Variants in ESPNL observed in about 807,000 individuals in gnomAD.
ESPNL encodes the protein espin like.
A neutral mutation model predicts 46.8 loss-of-function variants in ESPNL; 49 were observed. The ratio of observed to expected loss-of-function variants is 1.05; its 90% CI spans 0.83 to 1.33. The LOEUF (loss-of-function observed/expected upper bound fraction) is 1.33. ESPNL is among the 40% of genes most tolerant of loss of function. The probability of loss-of-function intolerance (pLI) is 0.00; values close to 1 mark genes in which losing one functional copy is unlikely to be tolerated. For synonymous variants in ESPNL, 664 were observed against 662.1 expected (o/e 1.00, Z -0.04); for missense variants, 1,540 against 1,436.6 (o/e 1.07, Z -1.16).
At chr2:238,126,543 CTGTG>C (rs376657628) in intron 6 of ESPNL, among the ~76,000 whole-genome samples, 31 of 141,302 alleles carry the variant, frequency 2.2e-4, no homozygotes, top group East Asian at 8.7e-4. Context: ...GTGATTGTGC[CTGTG>C]TGTATCTGTG....
At chr2:238,118,882 G>T (rs1278515001) in intron 5 of ESPNL, among the ~76,000 whole-genome samples, 7 of 139,960 alleles carry the variant, frequency 5.0e-5, no homozygotes, top group Admixed American at 3.5e-4. Flanking sequence ...GAGGAGAAAT[G>T]GATGAAAGAG....
At position 238,100,526 on chromosome 2, in the gene ESPNL, GGGCC is replaced by G; in HGVS notation, c.112_115del (p.Gly38TrpfsTer94). The G allele has an allele frequency of 6.3e-7, 1 of 1,595,304 alleles. No homozygotes were observed. Among genetic ancestry groups the G allele is most frequent in the Non-Finnish European group, 8.5e-7 (1 of 1,173,614 alleles). On this transcript the variant is annotated frameshift_variant, in exon 1 of 9. Coordinates refer to ENST00000343063, the MANE Select transcript of ESPNL (RefSeq NM_194312.4). LOFTEE classifies it high-confidence loss of function. ...GGCCCGGGCATCACCGATGCTCTGG[GGGCC>G]GGCCTGGTTCACCACGCCACCCGGG...
chr2:238,128,940 G>A (rs1559268455), intron 8 of ESPNL, 36 bp downstream of exon 8: 10 of 1,514,054 alleles, frequency 6.6e-6, no homozygotes, highest in South Asian at 1.2e-5. Flanking sequence ...AGTGGGCGGG[G>A]CGGGGCCTTT....
Position 238,100,602 on chromosome 2 carries a change from G to T in ESPNL, c.183G>T (p.Leu61=). 1 of 1,519,596 alleles carries T rather than the reference G, an allele frequency of 6.6e-7. No homozygotes were observed. The highest frequency in any genetic ancestry group is 8.8e-7 in the Non-Finnish European group (1 of 1,138,014). 94.1% of individuals were successfully genotyped at this position (1,519,596 alleles called of 1,614,324 possible). A position where few individuals can be genotyped will look rare whatever the true frequency, so the allele number is the denominator to read the frequency against. ...AGTTCTTGGTGCAGCGGGCCCAGCT[G>T]CCCGGCAACCAGCGGGCCCACAACG... ...CVKFLVQRAQ[L]PGNQRAHNGA... Residue 61 remains leucine (L), a synonymous_variant, in exon 1 of 9, where the codon CTG becomes CTT. Coordinates refer to ENST00000343063, the MANE Select transcript of ESPNL (RefSeq NM_194312.4).
rs547558311 is a variant in ESPNL at position 238,129,777 on chromosome 2, C to T, written c.1414-351C>T. Among the ~76,000 whole-genome samples the T allele has an allele frequency of 6.1e-4, 93 of 152,368 alleles. 1 individual carries two copies. The highest frequency in any genetic ancestry group is 5.8e-3 in the Admixed American group (89 of 15,312). On this transcript the variant is annotated intron_variant, in intron 8 of 8. Coordinates refer to ENST00000343063, the MANE Select transcript of ESPNL (RefSeq NM_194312.4). ...AAGGAAAGTAAAAGTCCTGCCCCTCCGTCGCACCAGCCACCTGTCGTTTCT... is the reference window on the plus strand; with the variant it reads ...AAGGAAAGTAAAAGTCCTGCCCCTCTGTCGCACCAGCCACCTGTCGTTTCT...
At chr2:238,127,775 T>G in intron 7 of ESPNL, 41 bp downstream of exon 7, 5 of 1,518,410 alleles carry the variant, frequency 3.3e-6, no homozygotes, top group Non-Finnish European at 3.6e-6. Context: ...CCGGGGCCCC[T>G]AGCCAGCCTC....
At chr2:238,128,585 C>G in intron 7 of ESPNL, 122 bp from the exon 8 acceptor site, 2 of 885,762 alleles carry the variant, frequency 2.3e-6, no homozygotes, top group South Asian at 3.4e-5. Flanking sequence ...ACTGTCCCTC[C>G]TCTCAGGGCG....
Position 238,104,677 on chromosome 2 carries a change from C to T in ESPNL, c.507C>T (p.Arg169=). ...AHGSSVNRRT[R]SGASPLYLAC... is the part of the protein sequence containing the mutation. ...GCAGCAGCGTGAACCGGCGGACACG[C>T]AGTGGCGCCTCCCCACTCTACCTGG... Residue 169 remains arginine, a synonymous_variant, in exon 3 of 9, where the codon CGC becomes CGT. Coordinates refer to ENST00000343063, the MANE Select transcript of ESPNL (RefSeq NM_194312.4). The T allele has an allele frequency of 6.3e-7, 1 of 1,599,972 alleles. No homozygotes were observed.
In ESPNL at chr2:238,128,717, C is replaced by T. The variant is rs267599281; in HGVS notation, c.1226C>T (p.Thr409Met). The T allele has an allele frequency of 2.5e-6, 4 of 1,600,850 alleles. No homozygotes were observed. The highest frequency in any genetic ancestry group is 2.7e-5 in the African/African-American group (2 of 74,822). The change falls in exon 8 of 9, where the codon ACG (threonine) becomes ATG (methionine). Residue 409 changes from threonine (T) to methionine (M), a missense_variant. By Grantham distance (81) the Thr-to-Met change is moderately conservative. Coordinates refer to ENST00000343063, the MANE Select transcript of ESPNL (RefSeq NM_194312.4). ...SATADPEGTE[T>M]ALAGDTSDGL... ...CCCCCTTCTGCACAGGGGACAGAGACGGCGCTGGCGGGGGACACCTCAGAT... is the reference window on the plus strand; with the variant it reads ...CCCCCTTCTGCACAGGGGACAGAGATGGCGCTGGCGGGGGACACCTCAGAT...
In ESPNL at chr2:238,131,176, G is replaced by A. The variant is rs544504029; in HGVS notation, c.2462G>A (p.Arg821Gln). 2.7e-4 allele frequency: 424 copies of A among 1,544,518 alleles called. 2 individuals are homozygous for A. The South Asian group carries it at 4.1e-3, about 15-fold the overall frequency. The change falls in exon 9 of 9, where the codon CGG (arginine) becomes CAG (glutamine). Residue 821 changes from arginine to glutamine, a missense_variant. Coordinates refer to ENST00000343063, the MANE Select transcript of ESPNL (RefSeq NM_194312.4). ...GCCATCATGGCTCACGTGCCCGCCC[G>A]GCAGCTGCGGCGGCTGAGCCGGCAG... Reference protein sequence around the residue: ...WKAIMAHVPARQLRRLSRQPR... With the variant: ...WKAIMAHVPAQQLRRLSRQPR...
chr2:238,127,148 TTGTG>T (rs1486937589), intron 6 of ESPNL, among the ~76,000 whole-genome samples: 3 of 151,624 alleles, frequency 2.0e-5, no homozygotes, highest in Admixed American at 1.3e-4. Flanking sequence ...TGTGTCTGTG[TTGTG>T]TGTATGTGAT....
At chr2:238,121,586 C>T (rs72620836) in intron 5 of ESPNL, among the ~76,000 whole-genome samples, 11,424 of 152,224 alleles carry the variant, frequency 0.075, 726 homozygotes, top group East Asian at 0.21. Flanking sequence ...TTTGTAGAGA[C>T]GGGGTTTGGC....
intron 6 of ESPNL, among the ~76,000 whole-genome samples, chr2:238,126,699 T>C (rs11679208): frequency 6.6e-6 from 1 of 152,010 alleles, no homozygotes; most frequent in African/African-American, 2.4e-5. Context: ...ATTGTGTCTG[T>C]GTATGCTTGT....
rs754253280 is a variant in ESPNL at position 238,130,563 on chromosome 2, G to C, written c.1849G>C (p.Asp617His). 2 of 1,585,048 alleles carry C rather than the reference G, an allele frequency of 1.3e-6. No individual in the cohort carries two copies. The highest frequency in any genetic ancestry group is 2.3e-5 in the South Asian group (2 of 87,200). Reference protein sequence around the residue: ...LKGVHGLVQGDEKPSTRPLQD... With the variant: ...LKGVHGLVQGHEKPSTRPLQD... ...GGGCGTGCATGGGCTAGTACAGGGG[G>C]ATGAGAAGCCATCCACCCGGCCCCT... Residue 617 changes from aspartate to histidine, a missense_variant, in exon 9 of 9, where the codon GAT becomes CAT. Physicochemically the swap from Asp to His is moderately conservative, Grantham distance 81. Coordinates refer to ENST00000343063, the MANE Select transcript of ESPNL (RefSeq NM_194312.4).
In ESPNL at chr2:238,102,112, C is replaced by A; in HGVS notation, c.466C>A (p.Leu156Met). Residue 156 changes from leucine to methionine, a missense_variant, in exon 2 of 9, where the codon CTG becomes ATG. Transcript: ENST00000343063. ...TGGGGACCTGACCTGCCTCAAGCTC[C>A]TGACAGCCGCGCATGGCAGGTAAGG... The part of the protein sequence containing the change: ...VSGDLTCLKL[L>M]TAAHGSSVNR... 1 of 1,555,680 alleles carries A rather than the reference C, an allele frequency of 6.4e-7. No homozygotes were observed. The highest frequency in any genetic ancestry group is 8.7e-7 in the Non-Finnish European group (1 of 1,150,640).
At chr2:238,106,812 G>A (rs912774314) in intron 3 of ESPNL, among the ~76,000 whole-genome samples, 4 of 152,026 alleles carry the variant, frequency 2.6e-5, no homozygotes, top group African/African-American at 9.7e-5. Context: ...GGCAGGCCTC[G>A]GGGTCTCAGG....
At chr2:238,115,289 TC>T (rs1470231288) in intron 4 of ESPNL, among the ~76,000 whole-genome samples, 8 of 152,152 alleles carry the variant, frequency 5.3e-5, no homozygotes, top group African/African-American at 1.9e-4. Flanking sequence ...TCCAGAGGAT[TC>T]CCCCAGGACA....
chr2:238,107,328 G>A (rs1559259242), intron 3 of ESPNL, among the ~76,000 whole-genome samples: 4 of 152,282 alleles, frequency 2.6e-5, no homozygotes, highest in African/African-American at 7.2e-5. Context: ...TGCCTGGCTC[G>A]AATCCAGGCC....
intron 4 of ESPNL, 77 bp downstream of exon 4, chr2:238,108,050 C>G: frequency 7.3e-7 from 1 of 1,369,052 alleles, no homozygotes; most frequent in Non-Finnish European, 1.0e-6. Context: ...CTGACCCTCA[C>G]AGCAACCCTG....
Sources: gnomAD v4.1 joint callset for allele counts (sites outside exome capture counted in the v4.1 genomes callset) on GRCh38, gnomAD v4.1.1 for gene constraint, MANE v1.5 for transcripts, NCBI Gene and HGNC (gene_info 2026-07-23, HGNC 2026-07-21) for gene names.